Variants in PARP16 observed in about 807,000 individuals in gnomAD.
PARP16 encodes the protein protein mono-ADP-ribosyltransferase PARP16.
PARP16 carries 31 observed loss-of-function variants against 35.0 expected under a neutral mutation model. That is an observed-to-expected ratio of 0.88 (90% CI 0.66 to 1.19). The LOEUF is 1.19. PARP16 is among the 50% of genes most tolerant of loss of function. PARP16 has a pLI of 0.00. For missense variants in PARP16, 424 were observed against 411.2 expected (o/e 1.03, Z -0.27); for synonymous variants, 162 against 169.5 (o/e 0.96, Z 0.34).
chr15:65,236,982 A>AG (rs2088898233), intron 3 of PARP16, among the ~76,000 whole-genome samples: 1 of 151,894 alleles, frequency 6.6e-6, no homozygotes, highest in South Asian at 2.1e-4. Flanking sequence ...AAAAAAAAAA[A>AG]AAAAGAAAAA....
At chr15:65,243,631 A>G (rs749352613) in intron 3 of PARP16, among the ~76,000 whole-genome samples, 1 of 152,168 alleles carries the variant, frequency 6.6e-6, no homozygotes, top group Non-Finnish European at 1.5e-5. Context: ...CCTTTTCAAT[A>G]TTCTGGAAGA....
chr15:65,261,778 A>C (rs1163110414), intron 4 of PARP16, among the ~76,000 whole-genome samples: 1 of 152,042 alleles, frequency 6.6e-6, no homozygotes, highest in East Asian at 1.9e-4. Context: ...TTTTAAATGA[A>C]CCACTCTGGA....
At chr15:65,269,152 C>T (rs975022941) in intron 2 of PARP16, among the ~76,000 whole-genome samples, 6 of 139,744 alleles carry the variant, frequency 4.3e-5, no homozygotes, top group African/African-American at 1.6e-4. Context: ...CAATGGGTCA[C>T]ACCTGGCCCA....
At chr15:65,254,665 A>G (rs1389521732), downstream of PARP16, among the ~76,000 whole-genome samples, 4 of 152,114 alleles carry the variant, frequency 2.6e-5, no homozygotes, top group Non-Finnish European at 5.9e-5. Flanking sequence ...TCACCATGGC[A>G]ACGGGATGAA....
intron 1 of PARP16, 22 bp downstream of exon 1, chr15:65,286,231 C>A (rs772937259): frequency 1.3e-6 from 2 of 1,533,998 alleles, no homozygotes; most frequent in Admixed American, 2.0e-5. Context: ...CAGTGGGCAG[C>A]GCCAGGACAA....
At chr15:65,236,007 G>A (rs2088870875) in intron 3 of PARP16, among the ~76,000 whole-genome samples, 1 of 151,616 alleles carries the variant, frequency 6.6e-6, no homozygotes, top group African/African-American at 2.4e-5. Flanking sequence ...ACAGGCATGT[G>A]CCACCATGCC....
intron 4 of PARP16, 96 bp downstream of exon 4, chr15:65,263,053 G>T: frequency 1.7e-6 from 2 of 1,148,750 alleles, no homozygotes; most frequent in Non-Finnish European, 2.5e-6. Context: ...CAACCCTTGG[G>T]CATGCAATGG....
intron 1 of PARP16, among the ~76,000 whole-genome samples, chr15:65,284,335 CTCTT>C (rs1238354240): frequency 1.6e-5 from 2 of 127,520 alleles, no homozygotes; most frequent in African/African-American, 5.8e-5. Context: ...ATTTTCTTTC[CTCTT>C]TTTTTTTTTT....
chr15:65,276,174 C>T (rs757490999), intron 1 of PARP16, among the ~76,000 whole-genome samples: 3 of 152,156 alleles, frequency 2.0e-5, no homozygotes, highest in Non-Finnish European at 4.4e-5. Flanking sequence ...CTTTATGTCC[C>T]ATTTCACTTT....
chr15:65,262,842 C>T (rs1265281371), intron 4 of PARP16, among the ~76,000 whole-genome samples: 1 of 152,204 alleles, frequency 6.6e-6, no homozygotes, highest in Non-Finnish European at 1.5e-5. Context: ...CTCTCCTCCT[C>T]CCACAAAGCT....
chr15:65,281,896 C>G (rs1375130326), intron 1 of PARP16, among the ~76,000 whole-genome samples: 2 of 152,204 alleles, frequency 1.3e-5, no homozygotes, highest in African/African-American at 4.8e-5. Context: ...TTTTTGGAAA[C>G]TGCAACCCTT....
At chr15:65,262,560 GTAGCCAGC>G (rs1438176406) in intron 4 of PARP16, among the ~76,000 whole-genome samples, 1 of 152,176 alleles carries the variant, frequency 6.6e-6, no homozygotes, top group Non-Finnish European at 1.5e-5. Context: ...GTGGGATGAG[GTAGCCAGC>G]TAGTCATCAC....
chr15:65,249,324 G>T (rs1218305575), intron 2 of PARP16, among the ~76,000 whole-genome samples: 2 of 152,236 alleles, frequency 1.3e-5, no homozygotes, highest in African/African-American at 2.4e-5. Context: ...GCCCCTGGGC[G>T]GGGGTGAAGG....
chr15:65,255,945 C>T (rs936973062), downstream of PARP16, among the ~76,000 whole-genome samples: 5 of 152,112 alleles, frequency 3.3e-5, no homozygotes, highest in African/African-American at 1.2e-4. Context: ...GCAAAAACTT[C>T]CCATCTATGC....
chr15:65,263,981 CAAAT>C (rs2089816883), intron 3 of PARP16, among the ~76,000 whole-genome samples: 1 of 151,872 alleles, frequency 6.6e-6, no homozygotes, highest in Non-Finnish European at 1.5e-5. Context: ...GAGTCTCTCA[CAAAT>C]AAATAAAAAC....
downstream of PARP16, among the ~76,000 whole-genome samples, chr15:65,254,502 C>A (rs925286886): frequency 1.3e-5 from 2 of 150,988 alleles, no homozygotes; most frequent in Non-Finnish European, 2.9e-5. Context: ...AAGGCAAACA[C>A]AAACAAAGGC....
At chr15:65,245,887 A>G (rs938459657) in intron 3 of PARP16, among the ~76,000 whole-genome samples, 1 of 152,022 alleles carries the variant, frequency 6.6e-6, no homozygotes, top group African/African-American at 2.4e-5. Flanking sequence ...CTTGCTTTCA[A>G]TTTTTTTCAA....
At position 65,286,152 on chromosome 15, in the gene PARP16, C is replaced by CT; in HGVS notation, c.174+100dup. On this transcript the variant is annotated intron_variant, in intron 1 of 5. Coordinates refer to ENST00000649807, the MANE Select transcript of PARP16 (RefSeq NM_001316943.2). ...AAGCTGGGAATGGAAAGTCTGGCGG[C>CT]TGTCATGTTTACTAATGCGGATGGA... 9 of 967,300 alleles carry CT rather than the reference C, an allele frequency of 9.3e-6. No individual in the cohort carries two copies. In the South Asian group the frequency reaches 1.9e-4, roughly 20 times the overall value. The allele number at this position is 967,300 out of a possible 1,614,324, so 59.9% of individuals were successfully genotyped here.
chr15:65,253,542 G>A (rs866209478), downstream of PARP16, among the ~76,000 whole-genome samples: 3 of 151,816 alleles, frequency 2.0e-5, no homozygotes, highest in African/African-American at 4.8e-5. Context: ...GTTTTAGCCG[G>A]GATGGTCTCG....
Sources: allele counts gnomAD v4.1 joint callset (sites outside exome capture counted in the v4.1 genomes callset), GRCh38; gene constraint gnomAD v4.1.1; transcripts MANE v1.5; gene names NCBI Gene and HGNC (gene_info 2026-07-23, HGNC 2026-07-21).